Variants in REDIC1 observed in about 807,000 individuals in gnomAD.
The protein encoded by REDIC1 is regulator of DNA class I crossover intermediates 1, also known as HEI10 Interacting Protein 1.
chr12:39,834,290 A>T, the REDIC1 span, among the ~76,000 whole-genome samples: 1 of 152,032 alleles, frequency 6.6e-6, no homozygotes. Flanking sequence ...AACTGAAGGG[A>T]CTAGGCATGA....
the REDIC1 span, among the ~76,000 whole-genome samples, chr12:39,731,755 G>A: frequency 5.3e-5 from 8 of 151,722 alleles, no homozygotes; most frequent in East Asian, 1.9e-4. Context: ...GCCTATAGCC[G>A]CCCCTTCCCC....
chr12:39,769,989 T>C, the REDIC1 span, among the ~76,000 whole-genome samples: 1 of 152,116 alleles, frequency 6.6e-6, no homozygotes, highest in African/African-American at 2.4e-5. Flanking sequence ...TTGATTACTC[T>C]GTGGTGCTTG....
chr12:39,848,247 C>T, the REDIC1 span, among the ~76,000 whole-genome samples: 45 of 152,252 alleles, frequency 3.0e-4, no homozygotes, highest in South Asian at 8.9e-3. Context: ...AGACAACCTA[C>T]AGAATGTGAA....
chr12:39,875,214 TC>T, the REDIC1 span, among the ~76,000 whole-genome samples: 1 of 152,204 alleles, frequency 6.6e-6, no homozygotes, highest in African/African-American at 2.4e-5. Context: ...TAGAGCTCTG[TC>T]CCTTCCTGGA....
the REDIC1 span, chr12:39,720,678 T>A: frequency 2.3e-6 from 2 of 886,382 alleles, no homozygotes; most frequent in Non-Finnish European, 3.5e-6. Context: ...CTCTTCTGTA[T>A]TTAGAAATTT....
the REDIC1 span, among the ~76,000 whole-genome samples, chr12:39,719,020 A>T: frequency 1.3e-5 from 2 of 152,108 alleles, no homozygotes; most frequent in African/African-American, 4.8e-5. Flanking sequence ...TTTTAATACA[A>T]CATAAAAAGG....
the REDIC1 span, among the ~76,000 whole-genome samples, chr12:39,783,063 T>A: frequency 6.6e-6 from 1 of 152,090 alleles, no homozygotes; most frequent in Admixed American, 6.5e-5. Context: ...ATGTTCCCCA[T>A]CCTGTGTCCA....
At chr12:39,893,236 A>G in the REDIC1 span, among the ~76,000 whole-genome samples, 1 of 152,170 alleles carries the variant, frequency 6.6e-6, no homozygotes, top group African/African-American at 2.4e-5. Context: ...AATACTTGGG[A>G]TTTTTCAATA....
At chr12:39,683,069 A>G in the REDIC1 span, 6 of 1,612,850 alleles carry the variant, frequency 3.7e-6, no homozygotes, top group African/African-American at 8.0e-5. Context: ...AGAGAGTATA[A>G]CAAAAATGAA....
the REDIC1 span, among the ~76,000 whole-genome samples, chr12:39,712,834 C>CGT: frequency 7.6e-6 from 1 of 132,200 alleles, no homozygotes; most frequent in African/African-American, 2.6e-5. Flanking sequence ...TATGTATATA[C>CGT]ATATACACGT....
At chr12:39,815,418 A>T in the REDIC1 span, among the ~76,000 whole-genome samples, 1 of 152,228 alleles carries the variant, frequency 6.6e-6, no homozygotes, top group Admixed American at 6.5e-5. Context: ...AATAAATCGA[A>T]CAGGTTCTTT....
chr12:39,866,686 A>C, the REDIC1 span, among the ~76,000 whole-genome samples: 1 of 152,118 alleles, frequency 6.6e-6, no homozygotes, highest in Admixed American at 6.5e-5. Flanking sequence ...TCACCGTGTT[A>C]GCCAGGATGG....
the REDIC1 span, among the ~76,000 whole-genome samples, chr12:39,845,349 G>A: frequency 6.6e-6 from 1 of 151,994 alleles, no homozygotes; most frequent in African/African-American, 2.4e-5. Context: ...CACCAAGAAA[G>A]AACCTTGGTA....
the REDIC1 span, among the ~76,000 whole-genome samples, chr12:39,890,687 C>A: frequency 6.6e-6 from 1 of 152,020 alleles, no homozygotes; most frequent in East Asian, 1.9e-4. Context: ...ACGTTGTACT[C>A]CATAAATATG....
chr12:39,882,983 T>A, the REDIC1 span, among the ~76,000 whole-genome samples: 36 of 152,286 alleles, frequency 2.4e-4, no homozygotes, highest in African/African-American at 8.4e-4. Context: ...TTATGAATAT[T>A]TTTTAGGCGC....
At chr12:39,633,526 A>G in the REDIC1 span, among the ~76,000 whole-genome samples, 3 of 152,228 alleles carry the variant, frequency 2.0e-5, no homozygotes, top group Non-Finnish European at 4.4e-5. Context: ...TAAGTATAGT[A>G]ATAATAAATA....
At chr12:39,739,556 A>C in the REDIC1 span, among the ~76,000 whole-genome samples, 2 of 152,166 alleles carry the variant, frequency 1.3e-5, no homozygotes, top group Non-Finnish European at 2.9e-5. Context: ...TATTGAGTTA[A>C]AATATGTCAC....
chr12:39,842,573 G>A, the REDIC1 span, among the ~76,000 whole-genome samples: 4 of 151,976 alleles, frequency 2.6e-5, no homozygotes, highest in Admixed American at 6.6e-5. Flanking sequence ...AAAGTTCTAC[G>A]TGGAAAAGTG....
the REDIC1 span, among the ~76,000 whole-genome samples, chr12:39,725,023 T>A: frequency 1.3e-5 from 2 of 151,930 alleles, no homozygotes; most frequent in African/African-American, 4.8e-5. Context: ...ACCAGCAATT[T>A]CCAAGTGGGA....
Sources: gnomAD v4.1 joint callset for allele counts (sites outside exome capture counted in the v4.1 genomes callset) on GRCh38, gnomAD v4.1.1 for gene constraint, MANE v1.5 for transcripts, NCBI Gene and HGNC (gene_info 2026-07-23, HGNC 2026-07-21) for gene names.